The following LCLAT1 variants were observed in gnomAD, a reference collection of about 807,000 sequenced individuals.
LCLAT1 encodes 1-AGP acyltransferase 8.
LCLAT1 carries 11 observed loss-of-function variants against 30.7 expected under a neutral mutation model. The observed-to-expected ratio is 0.36, with a 90% CI of 0.23 to 0.59. The LOEUF (loss-of-function observed/expected upper bound fraction) is 0.59, where lower values mean the gene tolerates loss of function less well. LCLAT1 is among the 20% of genes least tolerant of loss of function. LCLAT1 has a pLI of 0.77. For synonymous variants in LCLAT1, 155 were observed against 151.3 expected (o/e 1.02, Z -0.18); for missense variants, 402 against 458.6 (o/e 0.88, Z 1.13).
chr2:30,474,308 A>G (rs75923973), intron 1 of LCLAT1, among the ~76,000 whole-genome samples: 1,990 of 152,342 alleles, frequency 0.013, 20 homozygotes, highest in Middle Eastern at 0.024. Flanking sequence ...GTTGTAAAAT[A>G]GCTCCCATCA....
intron 1 of LCLAT1, among the ~76,000 whole-genome samples, chr2:30,517,349 C>T (rs1053737278): frequency 7.2e-5 from 11 of 152,180 alleles, no homozygotes; most frequent in South Asian, 2.1e-4. Flanking sequence ...ATACAGCCCT[C>T]GACGTGGGTA....
chr2:30,591,468 T>G (rs1666690693), intron 5 of LCLAT1, among the ~76,000 whole-genome samples: 1 of 152,216 alleles, frequency 6.6e-6, no homozygotes, highest in Admixed American at 6.5e-5. Flanking sequence ...TCCTTTAAGG[T>G]CAACAAATGA....
rs376426261 is a variant in LCLAT1 at position 30,484,876 on chromosome 2, GA to G, written c.-5+37496del. On this transcript the variant is annotated intron_variant, in intron 1 of 5. Transcript: ENST00000379509. ...TCAGTGACCTAAAATTCTGTTTGTAGAAATAACTTTGCACATCTTTTACTAT... is the reference window on the plus strand; with the variant it reads ...TCAGTGACCTAAAATTCTGTTTGTAGAATAACTTTGCACATCTTTTACTAT... Among the ~76,000 whole-genome samples the G allele has an allele frequency of 5.3e-4, 81 of 152,190 alleles. 1 individual carries two copies. Among genetic ancestry groups the G allele is most frequent in the African/African-American group, 1.9e-3 (77 of 41,546 alleles).
At chr2:30,454,359 TGTA>T (rs1681716209) in intron 1 of LCLAT1, among the ~76,000 whole-genome samples, 1 of 152,270 alleles carries the variant, frequency 6.6e-6, no homozygotes, top group Non-Finnish European at 1.5e-5. Context: ...AATTTTATGA[TGTA>T]GTGCTCAACC....
intron 3 of LCLAT1, among the ~76,000 whole-genome samples, chr2:30,553,764 G>A (rs1664788567): frequency 1.3e-5 from 2 of 152,014 alleles, no homozygotes; most frequent in African/African-American, 4.8e-5. Context: ...GCAGTGAGCC[G>A]AGATTGCGCC....
chr2:30,607,845 C>CTGTGTGTGTG (rs55801578), intron 5 of LCLAT1: 3 of 138,326 alleles, frequency 2.2e-5, no homozygotes, highest in African/African-American at 5.4e-5. Flanking sequence ...TAGGCCTAGG[C>CTGTGTGTGTG]TGTGTGTGTG....
In LCLAT1 at chr2:30,640,315, G is replaced by C. The variant is rs568248997; in HGVS notation, c.827G>C (p.Arg276Thr). The C allele has an allele frequency of 3.7e-6, 6 of 1,614,096 alleles. No individual in the cohort carries two copies. The South Asian group carries it at 6.6e-5, about 18-fold the overall frequency. The change falls in exon 6 of 6, where the codon AGG becomes ACG. Residue 276 changes from arginine to threonine, a missense_variant. Arg to Thr is a moderately conservative substitution (Grantham distance 71, BLOSUM62 -1). Transcript: ENST00000379509. ...CHKRWEEKEE[R>T]LRSFYQGEKN... is the part of the protein sequence containing the mutation. ...AAACGGTGGGAAGAGAAAGAAGAGA[G>C]GCTGCGTTCCTTCTATCAAGGGGAG...
intron 1 of LCLAT1, among the ~76,000 whole-genome samples, chr2:30,523,828 A>C (rs1471697490): frequency 2.6e-5 from 4 of 152,228 alleles, no homozygotes; most frequent in Non-Finnish European, 5.9e-5. Context: ...AGATCGCACC[A>C]CTGTACTTCA....
At chr2:30,452,800 G>A (rs966086410) in intron 1 of LCLAT1, among the ~76,000 whole-genome samples, 2 of 152,086 alleles carry the variant, frequency 1.3e-5, no homozygotes, top group African/African-American at 4.8e-5. Flanking sequence ...AGCTTTCGGT[G>A]TGTTTCCTGT....
chr2:30,531,699 A>G (rs929184319), intron 2 of LCLAT1, among the ~76,000 whole-genome samples: 4 of 152,232 alleles, frequency 2.6e-5, no homozygotes, highest in African/African-American at 9.6e-5. Flanking sequence ...CAATTTGGAC[A>G]TATAACTTTT....
At chr2:30,565,981 G>T (rs1022058305) in intron 4 of LCLAT1, among the ~76,000 whole-genome samples, 1 of 152,188 alleles carries the variant, frequency 6.6e-6, no homozygotes, top group Non-Finnish European at 1.5e-5. Flanking sequence ...TGCCCAGCTG[G>T]TTTGAGAATA....
At chr2:30,605,146 A>T (rs1667378693) in intron 5 of LCLAT1, among the ~76,000 whole-genome samples, 1 of 152,252 alleles carries the variant, frequency 6.6e-6, no homozygotes. Flanking sequence ...GTTTGTGTGT[A>T]TTGCCTTAAC....
chr2:30,615,141 T>A (rs1002406649), intron 5 of LCLAT1, among the ~76,000 whole-genome samples: 6 of 151,930 alleles, frequency 3.9e-5, no homozygotes, highest in African/African-American at 1.2e-4. Flanking sequence ...GAGGGAATGA[T>A]GGGAGAAGTT....
At chr2:30,615,014 A>T (rs72863011) in intron 5 of LCLAT1, among the ~76,000 whole-genome samples, 4,926 of 152,216 alleles carry the variant, frequency 0.032, 268 homozygotes, top group African/African-American at 0.11. Flanking sequence ...CTTCATTGGC[A>T]TGGGTTCGAG....
chr2:30,529,714 G>A (rs1447460245), intron 2 of LCLAT1, among the ~76,000 whole-genome samples: 1 of 152,142 alleles, frequency 6.6e-6, no homozygotes, highest in African/African-American at 2.4e-5. Flanking sequence ...TCCAGTCCTA[G>A]CACAAAACAG....
intron 1 of LCLAT1, among the ~76,000 whole-genome samples, chr2:30,461,090 G>C (rs1163914689): frequency 1.3e-5 from 2 of 152,224 alleles, no homozygotes; most frequent in African/African-American, 4.8e-5. Flanking sequence ...CGTTGAAACT[G>C]AAGGGAGGTT....
At chr2:30,584,559 C>G (rs529977477) in intron 5 of LCLAT1, among the ~76,000 whole-genome samples, 1 of 152,264 alleles carries the variant, frequency 6.6e-6, no homozygotes, top group South Asian at 2.1e-4. Flanking sequence ...CACACTCTGA[C>G]AATATCCTGG....
chr2:30,475,613 A>T (rs1329656602), intron 1 of LCLAT1, among the ~76,000 whole-genome samples: 2 of 152,220 alleles, frequency 1.3e-5, no homozygotes, highest in African/African-American at 4.8e-5. Context: ...ATGTTTAAAT[A>T]GAATAATTTT....
intron 2 of LCLAT1, 85 bp from the exon 3 acceptor site, chr2:30,533,031 A>G (rs577085427): frequency 2.1e-6 from 2 of 960,594 alleles, no homozygotes; most frequent in Non-Finnish European, 3.3e-6. Flanking sequence ...GTTAGAAATC[A>G]TAAGATTTAT....
Sources: gnomAD v4.1 joint callset for allele counts (sites outside exome capture counted in the v4.1 genomes callset) on GRCh38, gnomAD v4.1.1 for gene constraint, MANE v1.5 for transcripts, NCBI Gene and HGNC (gene_info 2026-07-23, HGNC 2026-07-21) for gene names.